The following FBXO11 variants were observed in gnomAD, a reference collection of about 807,000 sequenced individuals.
The protein encoded by FBXO11 is F-box only protein 11.
FBXO11 carries 13 observed loss-of-function variants against 117.0 expected under a neutral mutation model. The ratio of observed to expected loss-of-function variants is 0.11; its 90% CI spans 0.07 to 0.18. The LOEUF is 0.18. FBXO11 is among the 10% of genes least tolerant of loss of function. The pLI is 1.00. For synonymous variants in FBXO11, 490 were observed against 380.5 expected, an observed-to-expected ratio of 1.29 and a Z score of -3.35; for missense variants, 767 against 1,164.4, an observed-to-expected ratio of 0.66 and a Z score of 4.97.
intron 16 of FBXO11, among the ~76,000 whole-genome samples, chr2:47,817,404 G>A (rs1161723638): frequency 2.0e-5 from 3 of 152,042 alleles, no homozygotes; most frequent in African/African-American, 7.2e-5. Flanking sequence ...ATTTTATTTT[G>A]CTTTGAACCC....
At chr2:47,903,679 A>G (rs755891836) in intron 1 of FBXO11, among the ~76,000 whole-genome samples, 8 of 152,222 alleles carry the variant, frequency 5.3e-5, no homozygotes, top group Non-Finnish European at 1.0e-4. Flanking sequence ...TCCAATGCTA[A>G]TATTATTAAC....
rs1036956434 is a variant in FBXO11 at position 47,840,513 on chromosome 2, C to T, written c.233-744G>A. On this transcript the variant is annotated intron_variant, in intron 1 of 22. Coordinates refer to ENST00000403359, the MANE Select transcript of FBXO11 (RefSeq NM_001190274.2). ...TCACCCAGGCTGGAGTGCAGTGGCC[C>T]GATCACAGCTCACTGCAGCCTCAAC... 3.3e-5 allele frequency among the ~76,000 whole-genome samples: 5 copies of T among 149,512 alleles called. No homozygotes were observed. The East Asian group carries it at 8.1e-4, about 24-fold the overall frequency.
At chr2:47,880,280 T>C (rs1007119575) in intron 1 of FBXO11, among the ~76,000 whole-genome samples, 4 of 152,200 alleles carry the variant, frequency 2.6e-5, no homozygotes, top group African/African-American at 9.7e-5. Flanking sequence ...AGTGTTTTAA[T>C]GTAATAGAAT....
intron 1 of FBXO11, among the ~76,000 whole-genome samples, chr2:47,881,231 GAC>G (rs1031955583): frequency 6.6e-6 from 1 of 152,150 alleles, no homozygotes; most frequent in Non-Finnish European, 1.5e-5. Context: ...CAGCCTGGGT[GAC>G]ACAACGAGAC....
intron 1 of FBXO11, among the ~76,000 whole-genome samples, chr2:47,892,078 T>G (rs1488518286): frequency 6.6e-6 from 1 of 152,232 alleles, no homozygotes; most frequent in Admixed American, 6.5e-5. Context: ...GCCCTTTCAC[T>G]TTGTTGACTG....
intron 1 of FBXO11, among the ~76,000 whole-genome samples, chr2:47,863,566 C>G (rs974570809): frequency 2.6e-5 from 4 of 152,134 alleles, no homozygotes; most frequent in African/African-American, 9.7e-5. Flanking sequence ...TCAAAAGTTT[C>G]CCCTAGTTCT....
At chr2:47,901,103 ATGTATATATG>A (rs1558488304) in intron 1 of FBXO11, among the ~76,000 whole-genome samples, 1 of 112,896 alleles carries the variant, frequency 8.9e-6, no homozygotes, top group Non-Finnish European at 1.9e-5. Context: ...ATACATATAT[ATGTATATATG>A]TACACACGTG....
At chr2:47,824,069 G>A (rs1245319823) in intron 11 of FBXO11, among the ~76,000 whole-genome samples, 1 of 152,090 alleles carries the variant, frequency 6.6e-6, no homozygotes, top group African/African-American at 2.4e-5. Context: ...TACATTCAAA[G>A]GCATGAAGGA....
intron 1 of FBXO11, among the ~76,000 whole-genome samples, chr2:47,879,409 C>T (rs1403116388): frequency 6.6e-6 from 1 of 152,204 alleles, no homozygotes; most frequent in African/African-American, 2.4e-5. Context: ...TCCCCCAAAG[C>T]TTCACAACCA....
At chr2:47,810,668 C>T (rs1670548758) in intron 18 of FBXO11, 1 of 372,486 alleles carries the variant, frequency 2.7e-6, no homozygotes, top group African/African-American at 2.1e-5. Context: ...TAGCAGGGTC[C>T]ATGTCTAAGT....
intron 17 of FBXO11, 91 bp downstream of exon 17, chr2:47,813,700 T>C (rs1198126876): frequency 1.8e-5 from 19 of 1,063,742 alleles, no homozygotes; most frequent in Middle Eastern, 2.1e-4. Context: ...CCCAAAGTGC[T>C]GGGATTACAG....
At chr2:47,860,997 A>G (rs1037638570) in intron 1 of FBXO11, among the ~76,000 whole-genome samples, 2 of 151,784 alleles carry the variant, frequency 1.3e-5, no homozygotes, top group African/African-American at 4.8e-5. Context: ...CATTTTTAGT[A>G]AAGTCACTAC....
chr2:47,896,147 T>C (rs1269912865), intron 1 of FBXO11, among the ~76,000 whole-genome samples: 1 of 152,182 alleles, frequency 6.6e-6, no homozygotes, highest in African/African-American at 2.4e-5. Context: ...CTTTTGAGTA[T>C]TTTCTAAAAA....
At chr2:47,846,488 T>C (rs1673421725) in intron 1 of FBXO11, among the ~76,000 whole-genome samples, 1 of 152,188 alleles carries the variant, frequency 6.6e-6, no homozygotes, top group African/African-American at 2.4e-5. Flanking sequence ...TTTTTTAATT[T>C]TATGGTTTTC....
intron 16 of FBXO11, among the ~76,000 whole-genome samples, chr2:47,817,899 G>A (rs774704474): frequency 7.2e-5 from 11 of 152,220 alleles, no homozygotes; most frequent in African/African-American, 2.7e-4. Context: ...TGTGATCCCA[G>A]CACTTTGGGA....
intron 1 of FBXO11, among the ~76,000 whole-genome samples, chr2:47,853,566 G>A (rs1413506038): frequency 1.3e-5 from 2 of 152,052 alleles, no homozygotes; most frequent in South Asian, 4.1e-4. Context: ...ACTGGCTCTT[G>A]GTTACATTCC....
Position 47,808,076 on chromosome 2 carries a change from T to C in FBXO11, c.*42A>G, listed in dbSNP as rs1558398902. 1.3e-6 allele frequency: 2 copies of C among 1,539,704 alleles called. No homozygotes were observed. Among genetic ancestry groups the C allele is most frequent in the African/African-American group, 2.7e-5 (2 of 72,764 alleles). The stretch of plus-strand genomic sequence containing the variant: ...CTTCTTCCAAAAAAGTGTTTTAAGT[T>C]ATGATGTTACAATGGCAGGACTTTT... On this transcript the variant is annotated 3_prime_UTR_variant, in exon 23 of 23. Coordinates refer to ENST00000403359, the MANE Select transcript of FBXO11 (RefSeq NM_001190274.2).
chr2:47,878,452 G>A (rs577717842), intron 1 of FBXO11, among the ~76,000 whole-genome samples: 104 of 152,032 alleles, frequency 6.8e-4, no homozygotes, highest in Non-Finnish European at 1.3e-3. Flanking sequence ...CCACCTCTGG[G>A]TTCAAGCAAT....
intron 16 of FBXO11, among the ~76,000 whole-genome samples, chr2:47,817,146 C>CA (rs1245295823): frequency 1.3e-5 from 2 of 152,236 alleles, no homozygotes; most frequent in Non-Finnish European, 2.9e-5. Flanking sequence ...TCTGTAGCTT[C>CA]TATCTCAGCA....
Sources: gnomAD v4.1 joint callset for allele counts (sites outside exome capture counted in the v4.1 genomes callset) on GRCh38, gnomAD v4.1.1 for gene constraint, MANE v1.5 for transcripts, NCBI Gene and HGNC (gene_info 2026-07-23, HGNC 2026-07-21) for gene names.